The following TKTL1 variants were observed in gnomAD, a reference collection of about 807,000 sequenced individuals.
The protein encoded by TKTL1 is transketolase like 1, also known as transketolase-like protein 1.
Under a neutral mutation model 39.3 loss-of-function variants are expected in TKTL1, and 1 was observed. The observed-to-expected ratio is 0.03, with a 90% CI of 0.01 to 0.12. TKTL1 has a LOEUF of 0.12. Ranked by LOEUF, TKTL1 falls within the 10% of genes least tolerant of loss-of-function variation. The pLI, the probability that TKTL1 is intolerant of heterozygous loss-of-function variation, is 1.00. For missense variants in TKTL1, 575 were observed against 509.6 expected (o/e 1.13, Z -1.24); for synonymous variants, 262 against 193.8 (o/e 1.35, Z -2.92).
chrX:154,301,965 TAAA>T (rs2067277113), intron 1 of TKTL1, among the ~76,000 whole-genome samples: 1 of 109,606 alleles, frequency 9.1e-6, no homozygotes, highest in Non-Finnish European at 1.9e-5. Flanking sequence ...ATAGTCAACT[TAAA>T]AATCATTCAG....
rs2067286516 is a variant in TKTL1, at chrX:154,303,132, C to T, written c.135-2172C>T. Among the ~76,000 whole-genome samples, 5 of 110,422 alleles carry T rather than the reference C, an allele frequency of 4.5e-5. No homozygotes were observed. In the South Asian group the frequency reaches 1.1e-3, roughly 25 times the overall value. ...TTCCTGCGCCAGCCTCCTACCTTGC[C>T]TTCTACTTATTAGACCCTACCTCTC... On this transcript the variant is annotated intron_variant, in intron 1 of 12. Coordinates refer to ENST00000369915, the MANE Select transcript of TKTL1 (RefSeq NM_012253.4).
chrX:154,315,538 G>A (rs782406542), intron 7 of TKTL1, among the ~76,000 whole-genome samples: 2 of 111,491 alleles, frequency 1.8e-5, no homozygotes, highest in South Asian at 3.8e-4. Flanking sequence ...TAGACTACTC[G>A]GCACTTGGAG....
At chrX:154,312,009 C>T (rs2067361841) in intron 5 of TKTL1, among the ~76,000 whole-genome samples, 1 of 110,909 alleles carries the variant, frequency 9.0e-6, no homozygotes. Flanking sequence ...TCCAGCTGGC[C>T]TCCCTCCACA....
At chrX:154,320,012 G>A (rs1030151948) in intron 7 of TKTL1, among the ~76,000 whole-genome samples, 1 of 112,486 alleles carries the variant, frequency 8.9e-6, no homozygotes, top group African/African-American at 3.2e-5. Flanking sequence ...GGCCAGATGC[G>A]ACTTCCCGAG....
rs1381764870 is a variant in TKTL1, at chrX:154,295,869, G to T, written c.10G>T (p.Ala4Ser). The T allele has an allele frequency of 9.9e-6, 12 of 1,211,583 alleles. No individual in the cohort carries two copies. Among genetic ancestry groups the T allele is most frequent in the Non-Finnish European group, 1.2e-5 (11 of 895,296 alleles). The change falls in exon 1 of 13, where the codon GCT becomes TCT. Residue 4 changes from alanine to serine, a missense_variant. Physicochemically the swap from Ala to Ser is moderately conservative, Grantham distance 99. Transcript: ENST00000369915. MADAEARAEFPEEA... is the reference protein window; with the variant it reads MADSEARAEFPEEA... ...CAAAGGGGTTGGACTAATGGCGGAT[G>T]CTGAGGCGAGGGCTGAGTTCCCGGA... is the stretch of plus-strand genomic sequence containing the variant.
intron 7 of TKTL1, among the ~76,000 whole-genome samples, chrX:154,318,364 G>T (rs2067419195): frequency 9.0e-6 from 1 of 110,624 alleles, no homozygotes; most frequent in Non-Finnish European, 1.9e-5. Context: ...TGTAATCCCG[G>T]CACTTTGGGA....
chrX:154,320,335 G>A, intron 7 of TKTL1: 1 of 150,485 alleles, frequency 6.6e-6, no homozygotes, highest in South Asian at 2.3e-4. Context: ...CGGAGATGGG[G>A]CTGTGAAGAT....
At chrX:154,313,160 G>T (rs1377179204) in intron 6 of TKTL1, among the ~76,000 whole-genome samples, 1 of 111,679 alleles carries the variant, frequency 9.0e-6, no homozygotes, top group Non-Finnish European at 1.9e-5. Context: ...TTTTCTGATT[G>T]GTCAATTGCT....
chrX:154,320,865 G>A lies in TKTL1; in HGVS notation c.1138G>A (p.Ala380Thr), dbSNP rs201452569. ...AFDHIRIGGL[A>T]ESNINIIGSH... ...TGATCACATCCGGATAGGAGGCCTC[G>A]CTGAGAGCAACATCAACATTATTGG... Residue 380 changes from alanine to threonine, a missense_variant, in exon 8 of 13, where the codon GCT (alanine) becomes ACT (threonine). Coordinates refer to ENST00000369915, the MANE Select transcript of TKTL1 (RefSeq NM_012253.4). 2.1e-5 allele frequency: 25 copies of A among 1,209,512 alleles called. No individual in the cohort carries two copies. The highest frequency in any genetic ancestry group is 8.9e-5 in the East Asian group (3 of 33,767).
rs782554179 is a variant in TKTL1 at position 154,319,507 on chromosome X, G to A, written c.1030-1250G>A. On this transcript the variant is annotated intron_variant, in intron 7 of 12. Coordinates refer to ENST00000369915, the MANE Select transcript of TKTL1 (RefSeq NM_012253.4). Reference sequence around the variant, plus strand: ...CGTAATCCCAGAACTTTGGGAGGCCGGCCGAGGTGGGTGGATCACCTGTCA... The same window carrying A: ...CGTAATCCCAGAACTTTGGGAGGCCAGCCGAGGTGGGTGGATCACCTGTCA... 2.0e-4 allele frequency among the ~76,000 whole-genome samples: 22 copies of A among 111,767 alleles called. No individual in the cohort carries two copies. In the South Asian group the frequency reaches 5.6e-3, roughly 28 times the overall value.
intron 1 of TKTL1, 70 bp downstream of exon 1, chrX:154,296,063 T>C (rs2067224821): frequency 8.7e-7 from 1 of 1,149,268 alleles, no homozygotes. Flanking sequence ...CTGGTGGCCA[T>C]GAGGCCGTGT....
Position 154,329,946 on chromosome X carries a change from A to C in TKTL1, c.*258A>C. The C allele has an allele frequency of 3.4e-6, 1 of 295,326 alleles. No individual in the cohort carries two copies. 24.3% of individuals were successfully genotyped at this position (295,326 alleles called of 1,213,427 possible). The stretch of plus-strand genomic sequence containing the variant: ...AGTGAAAAAAATAGGTAACAAAACA[A>C]CCACCTGATAGTAAGTTTTCTGATA... On this transcript the variant is annotated 3_prime_UTR_variant, in exon 13 of 13. Transcript: ENST00000369915.
intron 1 of TKTL1, among the ~76,000 whole-genome samples, chrX:154,296,696 A>T (rs190866586): frequency 1.5e-3 from 166 of 110,942 alleles, no homozygotes; most frequent in African/African-American, 4.9e-3. Context: ...GCTTCATAGG[A>T]TGTTTCAAAG....
At chrX:154,327,496 A>C in intron 10 of TKTL1, 95 bp from the exon 11 acceptor site, 1 of 745,434 alleles carries the variant, frequency 1.3e-6, no homozygotes. Context: ...AAATTGTTAG[A>C]ATTGGGGGAT....
intron 11 of TKTL1, 57 bp from the exon 12 acceptor site, chrX:154,327,782 C>G (rs1416204819): frequency 8.3e-7 from 1 of 1,204,326 alleles, no homozygotes; most frequent in Non-Finnish European, 1.1e-6. Flanking sequence ...TATTTTTATC[C>G]CTGCATGTTA....
At chrX:154,327,724 G>C (rs782321873) in intron 11 of TKTL1, 37 bp downstream of exon 11, 71 of 1,195,899 alleles carry the variant, frequency 5.9e-5, no homozygotes, top group Non-Finnish European at 7.6e-5. Context: ...AGTTCAAGCT[G>C]GGAAGAGGTA....
chrX:154,313,972 A>G (rs1311676947), intron 6 of TKTL1, among the ~76,000 whole-genome samples: 2 of 110,425 alleles, frequency 1.8e-5, no homozygotes, highest in South Asian at 7.7e-4. Context: ...ATATAACTCC[A>G]TAGTTGCATA....
At chrX:154,309,829 G>C (rs782207080) in intron 3 of TKTL1, among the ~76,000 whole-genome samples, 35 of 111,103 alleles carry the variant, frequency 3.2e-4, no homozygotes, top group African/African-American at 1.0e-3. Context: ...CTGCCTCCCA[G>C]TTTCAAGTGA....
intron 1 of TKTL1, among the ~76,000 whole-genome samples, chrX:154,303,379 ATTTTTTTTTTTTT>A (rs1172255094): frequency 0.011 from 370 of 33,675 alleles, 10 homozygotes; most frequent in Admixed American, 0.093. Flanking sequence ...TGCCCAGCTA[ATTTTTTTTTTTTT>A]TTTTTTTTTT....
Sources: gnomAD v4.1 joint callset for allele counts (sites outside exome capture counted in the v4.1 genomes callset) on GRCh38, gnomAD v4.1.1 for gene constraint, MANE v1.5 for transcripts, NCBI Gene and HGNC (gene_info 2026-07-23, HGNC 2026-07-21) for gene names.